SEC31A: variants seen among roughly 807,000 people sequenced by gnomAD.
SEC31A encodes protein transport protein Sec31A.
Under a neutral mutation model 151.0 loss-of-function variants are expected in SEC31A, and 70 were observed. The ratio of observed to expected loss-of-function variants is 0.46; its 90% confidence interval spans 0.38 to 0.57. SEC31A has a LOEUF of 0.57. SEC31A is among the 20% of genes least tolerant of loss of function. The pLI, the probability that SEC31A is intolerant of heterozygous loss-of-function variation, is 0.00. For synonymous variants in SEC31A, 475 were observed against 505.9 expected (o/e 0.94, Z 0.82); for missense variants, 1,330 against 1,471.2 (o/e 0.90, Z 1.57).
At chr4:82,845,361 C>T (rs1395984784) in intron 20 of SEC31A, 18 of 923,566 alleles carry the variant, frequency 1.9e-5, no homozygotes, top group Non-Finnish European at 2.7e-5. Context: ...AGAAAAAAAC[C>T]CCAAAAGGTA....
intron 21 of SEC31A, 131 bp from the exon 22 acceptor site, chr4:82,842,612 A>G (rs1023951190): frequency 1.1e-5 from 8 of 707,510 alleles, no homozygotes; most frequent in South Asian, 8.5e-5. Flanking sequence ...CAAATTAAAA[A>G]TTTACACCAT....
intron 1 of SEC31A, among the ~76,000 whole-genome samples, chr4:82,885,515 A>C (rs1053879830): frequency 2.6e-5 from 4 of 152,152 alleles, no homozygotes; most frequent in Non-Finnish European, 5.9e-5. Flanking sequence ...CCCTACTATG[A>C]GCACTTATGA....
At chr4:82,831,043 TA>T in intron 22 of SEC31A, 1 of 550,832 alleles carries the variant, frequency 1.8e-6, no homozygotes, top group South Asian at 3.3e-5. Context: ...ACTCATTTTA[TA>T]ATTGTTTCTT....
chr4:82,866,830 C>G lies in SEC31A; in HGVS notation c.1175G>C (p.Arg392Thr). ...PLKKPPKWIR[R>T]PVGASFSFGG... is the part of the protein sequence containing the mutation. ...TACTGAAAAAGAAGCACCAACAGGC[C>G]TTCGAATCCACTTGGGCGGCTTCTT... Residue 392 changes from arginine (R) to threonine (T), a missense_variant, in exon 10 of 27, where the codon AGG (arginine) becomes ACG (threonine). Physicochemically the swap from Arg to Thr is moderately conservative, Grantham distance 71 (BLOSUM62 -1). Transcript: ENST00000395310. 6.2e-7 allele frequency: 1 copy of G among 1,604,686 alleles called. No individual in the cohort carries two copies. The highest frequency in any genetic ancestry group is 8.5e-7 in the Non-Finnish European group (1 of 1,177,744).
At position 82,829,065 on chromosome 4, in the gene SEC31A, C is replaced by G. The variant is rs770103818; in HGVS notation, c.2969-7G>C. 1 of 1,608,578 alleles carries G rather than the reference C, an allele frequency of 6.2e-7. No homozygotes were observed. Among genetic ancestry groups the G allele is most frequent in the Non-Finnish European group, 8.5e-7 (1 of 1,175,314 alleles). On this transcript the variant is annotated splice_polypyrimidine_tract_variant and splice_region_variant and intron_variant, in intron 22 of 26. Transcript: ENST00000395310. ...TTCCAACCATTCTGAGGACCTATAACAGATAACAGAGAATGTTTTCCTTTA... is the reference window on the plus strand; with the variant it reads ...TTCCAACCATTCTGAGGACCTATAAGAGATAACAGAGAATGTTTTCCTTTA...
At chr4:82,864,778 G>T (rs1262925596) in intron 10 of SEC31A, among the ~76,000 whole-genome samples, 180 bp from the exon 11 acceptor site, 1 of 143,802 alleles carries the variant, frequency 7.0e-6, no homozygotes, top group Non-Finnish European at 1.5e-5. Context: ...TGGTTTTTTG[G>T]TTTTTTTTTT....
upstream of SEC31A, chr4:82,891,211 C>G: frequency 6.6e-7 from 1 of 1,516,964 alleles, no homozygotes; most frequent in Non-Finnish European, 8.8e-7. Context: ...AACGTGGCAG[C>G]CGCAGCCGCA....
At position 82,857,721 on chromosome 4, in the gene SEC31A, G is replaced by C; in HGVS notation, c.1670C>G (p.Ser557Cys). Residue 557 changes from serine (S) to cysteine (C), a missense_variant, in exon 15 of 27, where the codon TCT becomes TGT. Transcript: ENST00000395310. ...EKEESEFLPSSGGTFNISVSG... is the reference protein window; with the variant it reads ...EKEESEFLPSCGGTFNISVSG... ...GACAGAGATATTAAATGTTCCTCCAGATGAGGGTAGAAATTCAGATTCTTC... is the reference window on the plus strand; with the variant it reads ...GACAGAGATATTAAATGTTCCTCCACATGAGGGTAGAAATTCAGATTCTTC... The C allele has an allele frequency of 6.2e-7, 1 of 1,603,840 alleles. No homozygotes were observed. The highest frequency in any genetic ancestry group is 1.3e-5 in the African/African-American group (1 of 74,752).
chr4:82,858,462 T>C (rs1242351659), intron 14 of SEC31A, among the ~76,000 whole-genome samples: 12 of 142,558 alleles, frequency 8.4e-5, no homozygotes, highest in African/African-American at 2.8e-4. Flanking sequence ...GAGAATCACT[T>C]GAACCCAGGA....
intron 22 of SEC31A, among the ~76,000 whole-genome samples, chr4:82,837,188 T>TAC (rs1245448951): frequency 3.7e-5 from 2 of 53,696 alleles, no homozygotes; most frequent in Non-Finnish European, 1.1e-4. Context: ...TATATATATA[T>TAC]ATATATATAT....
Position 82,849,975 on chromosome 4 carries a change from G to C in SEC31A, c.2329-998C>G, listed in dbSNP as rs899063861. On this transcript the variant is annotated intron_variant, in intron 19 of 26. Transcript: ENST00000395310. ...TAGGCATATTTTATTTGCCTTTTGG[G>C]GGGGAGAATTATATATTACAATGCT... Among the ~76,000 whole-genome samples, 4 of 152,010 alleles carry C rather than the reference G, an allele frequency of 2.6e-5. No individual in the cohort carries two copies. In the East Asian group the frequency reaches 7.7e-4, roughly 29 times the overall value.
chr4:82,864,578 C>A lies in SEC31A; in HGVS notation c.1218G>T (p.Thr406=), dbSNP rs775498256. 6.2e-7 allele frequency: 1 copy of A among 1,613,798 alleles called. No homozygotes were observed. Among genetic ancestry groups the A allele is most frequent in the East Asian group, 2.2e-5 (1 of 44,892 alleles). Residue 406 remains threonine (T), a synonymous_variant, in exon 11 of 27, where the codon ACG becomes ACT. Coordinates refer to ENST00000395310, the MANE Select transcript of SEC31A (RefSeq NM_001077207.4). ...ASFSFGGKLV[T]FENVRMPSHQ... Reference sequence around the variant, plus strand: ...GAGAAGGCATTCTGACATTCTCAAACGTAACCAGTTTGCCTCCAAACTATA... The same window carrying A: ...GAGAAGGCATTCTGACATTCTCAAAAGTAACCAGTTTGCCTCCAAACTATA...
chr4:82,846,694 CT>C (rs1171689067), intron 20 of SEC31A, among the ~76,000 whole-genome samples: 1 of 128,390 alleles, frequency 7.8e-6, no homozygotes, highest in Non-Finnish European at 1.8e-5. Flanking sequence ...TTTCTTTTTT[CT>C]AGCTTACTTC....
intron 4 of SEC31A, among the ~76,000 whole-genome samples, chr4:82,876,613 CTT>C (rs1491385606): frequency 6.6e-6 from 1 of 152,192 alleles, no homozygotes; most frequent in African/African-American, 2.4e-5. Context: ...AGTAAAATCT[CTT>C]GTCATAACTC....
Position 82,818,908 on chromosome 4 carries a change from G to A in SEC31A, c.*166C>T, listed in dbSNP as rs115684235. 2,414 of 434,314 alleles carry A rather than the reference G, an allele frequency of 5.6e-3. 9 individuals are homozygous for A. Among genetic ancestry groups the A allele is most frequent in the Non-Finnish European group, 8.0e-3 (2,011 of 252,002 alleles). The allele number at this position is 434,314 out of a possible 1,614,324, so 26.9% of individuals were successfully genotyped here. A position where few individuals can be genotyped will look rare whatever the true frequency, so the allele number is the denominator to read the frequency against. ...ATTAAAACAAAAATAAAGCACCAGG[G>A]TTCTGAGCAGTTCTAAGGTGAGTAT... On this transcript the variant is annotated 3_prime_UTR_variant, in exon 27 of 27. Transcript: ENST00000395310.
chr4:82,873,775 A>G (rs994438358), intron 6 of SEC31A, among the ~76,000 whole-genome samples: 2 of 152,214 alleles, frequency 1.3e-5, no homozygotes, highest in African/African-American at 4.8e-5. Context: ...GCTCCAAATT[A>G]TATCTAAATT....
chr4:82,853,740 A>T, intron 17 of SEC31A, 25 bp from the exon 18 acceptor site: 1 of 1,588,424 alleles, frequency 6.3e-7, no homozygotes, highest in South Asian at 1.2e-5. Context: ...AAAATAAAAT[A>T]AGATTATACC....
intron 22 of SEC31A, among the ~76,000 whole-genome samples, chr4:82,830,354 A>T (rs1206849865): frequency 1.3e-5 from 2 of 152,194 alleles, no homozygotes; most frequent in African/African-American, 2.4e-5. Flanking sequence ...TCAGCTACCC[A>T]GGAGCTGAGG....
intron 26 of SEC31A, among the ~76,000 whole-genome samples, chr4:82,819,767 AT>A (rs70943155): frequency 2.9e-4 from 42 of 147,352 alleles, no homozygotes; most frequent in Admixed American, 1.0e-3. Flanking sequence ...CTTTATTTGG[AT>A]TTTTTTTTTT....
Sources: allele counts gnomAD v4.1 joint callset (sites outside exome capture counted in the v4.1 genomes callset), GRCh38; gene constraint gnomAD v4.1.1; transcripts MANE v1.5; gene names NCBI Gene and HGNC (gene_info 2026-07-23, HGNC 2026-07-21).